Variants in KCNIP4 observed in about 807,000 individuals in gnomAD.
KCNIP4 encodes Kv channel-interacting protein 4.
A neutral mutation model predicts 34.0 loss-of-function variants in KCNIP4; 12 were observed. The observed-to-expected ratio is 0.35, with a 90% CI of 0.23 to 0.57. KCNIP4 has a LOEUF of 0.57. Ranked by LOEUF, KCNIP4 falls within the 20% of genes least tolerant of loss-of-function variation. The pLI is 0.83. For missense variants in KCNIP4, 238 were observed against 311.7 expected (o/e 0.76, Z 1.78); for synonymous variants, 124 against 102.2 (o/e 1.21, Z -1.29).
chr4:21,911,030 T>C (rs992287525), intron 1 of KCNIP4, among the ~76,000 whole-genome samples: 4 of 152,180 alleles, frequency 2.6e-5, no homozygotes, highest in Admixed American at 2.0e-4. Flanking sequence ...GTTTACAGTT[T>C]CTTTTTTTTT....
chr4:21,762,550 T>C (rs1192914763), intron 1 of KCNIP4, among the ~76,000 whole-genome samples: 1 of 152,164 alleles, frequency 6.6e-6, no homozygotes, highest in African/African-American at 2.4e-5. Flanking sequence ...AAATTAATTT[T>C]GAGCAGAACT....
chr4:21,827,624 C>G (rs1722749093), intron 1 of KCNIP4, among the ~76,000 whole-genome samples: 1 of 151,950 alleles, frequency 6.6e-6, no homozygotes, highest in African/African-American at 2.4e-5. Flanking sequence ...TCAGAGAGGA[C>G]AGAAACCCCT....
intron 1 of KCNIP4, among the ~76,000 whole-genome samples, chr4:21,737,990 G>GGA (rs1402381954): frequency 6.6e-6 from 1 of 151,898 alleles, no homozygotes; most frequent in African/African-American, 2.4e-5. Flanking sequence ...TACTCTGCAG[G>GGA]CTGAAGCAGG....
chr4:21,494,978 G>C (rs369283123), intron 1 of KCNIP4, among the ~76,000 whole-genome samples: 1 of 152,070 alleles, frequency 6.6e-6, no homozygotes, highest in Non-Finnish European at 1.5e-5. Flanking sequence ...AGGTGAGCAG[G>C]TGAGAGAAAA....
chr4:21,321,610 G>A (rs1248870549), intron 1 of KCNIP4, among the ~76,000 whole-genome samples: 4 of 145,760 alleles, frequency 2.7e-5, no homozygotes, highest in Non-Finnish European at 6.0e-5. Context: ...GGGAGAAGAA[G>A]GGAGAATAAA....
intron 3 of KCNIP4, among the ~76,000 whole-genome samples, chr4:20,841,548 A>C (rs1719722416): frequency 6.6e-6 from 1 of 152,038 alleles, no homozygotes. Flanking sequence ...TTTAATCCAA[A>C]ACATCACGAC....
chr4:21,072,784 A>C (rs573417717), intron 1 of KCNIP4, among the ~76,000 whole-genome samples: 42 of 152,294 alleles, frequency 2.8e-4, no homozygotes, highest in African/African-American at 1.0e-3. Context: ...TTTGGGTCTA[A>C]CATGTAAGTC....
At chr4:21,519,639 TGTG>T (rs1177248965) in intron 1 of KCNIP4, among the ~76,000 whole-genome samples, 1 of 118,118 alleles carries the variant, frequency 8.5e-6, no homozygotes, top group South Asian at 3.2e-4. Flanking sequence ...TATACACAAA[TGTG>T]TGTGTATGTA....
chr4:21,558,018 C>G (rs1187412709), intron 1 of KCNIP4, among the ~76,000 whole-genome samples: 3 of 152,100 alleles, frequency 2.0e-5, no homozygotes, highest in African/African-American at 7.2e-5. Context: ...CTACTGTGAG[C>G]AAAAGTGGTT....
chr4:21,668,110 C>T (rs577966997), intron 1 of KCNIP4, among the ~76,000 whole-genome samples: 1 of 152,260 alleles, frequency 6.6e-6, no homozygotes, highest in South Asian at 2.1e-4. Context: ...AAGCCATTAT[C>T]CTCAGCAAAC....
intron 3 of KCNIP4, among the ~76,000 whole-genome samples, chr4:20,844,735 T>C (rs1720157710): frequency 6.6e-6 from 1 of 152,154 alleles, no homozygotes; most frequent in South Asian, 2.1e-4. Context: ...TGCAAAAATG[T>C]AGATCCCTAT....
intron 1 of KCNIP4, among the ~76,000 whole-genome samples, chr4:21,554,915 C>A (rs1738874339): frequency 1.3e-5 from 2 of 152,136 alleles, no homozygotes; most frequent in Admixed American, 1.3e-4. Context: ...ATGAGTGAAT[C>A]TTGGTCCTAT....
chr4:21,331,780 T>A (rs1490135279), intron 1 of KCNIP4, among the ~76,000 whole-genome samples: 1 of 152,118 alleles, frequency 6.6e-6, no homozygotes, highest in African/African-American at 2.4e-5. Flanking sequence ...CCATGAAATG[T>A]CTTCTAATCT....
chr4:21,349,780 G>C (rs1165150090), intron 1 of KCNIP4, among the ~76,000 whole-genome samples: 1 of 152,130 alleles, frequency 6.6e-6, no homozygotes, highest in Non-Finnish European at 1.5e-5. Context: ...AATTGCAATG[G>C]AAGTAGCTAA....
At chr4:21,568,848 A>G (rs1440078278) in intron 1 of KCNIP4, among the ~76,000 whole-genome samples, 1 of 152,044 alleles carries the variant, frequency 6.6e-6, no homozygotes, top group Non-Finnish European at 1.5e-5. Flanking sequence ...TTCTAATAAA[A>G]TCCTCTTCAT....
In KCNIP4 at chr4:21,660,367, G is replaced by C. The variant is rs565855112; in HGVS notation, c.61+288204C>G. 7.9e-5 allele frequency among the ~76,000 whole-genome samples: 12 copies of C among 152,096 alleles called. No homozygotes were observed. In the East Asian group the frequency reaches 1.2e-3, roughly 15 times the overall value. On this transcript the variant is annotated intron_variant, in intron 1 of 8. Coordinates refer to ENST00000382152, the MANE Select transcript of KCNIP4 (RefSeq NM_025221.6). Reference sequence around the variant, plus strand: ...ACACTATGATTTTTCTGTATACTTTGGTCTCTATTTTAAACTCCTTGTCTC... The same window carrying C: ...ACACTATGATTTTTCTGTATACTTTCGTCTCTATTTTAAACTCCTTGTCTC...
At position 21,610,866 on chromosome 4, in the gene KCNIP4, C is replaced by T. The variant is rs1018510918; in HGVS notation, c.61+337705G>A. ...TAAGCTCTGGAGTACATGTGCAGAA[C>T]GTGCAGGTTTGCTACATAGGTATAT... On this transcript the variant is annotated intron_variant, in intron 1 of 8. Transcript: ENST00000382152. Among the ~76,000 whole-genome samples the T allele has an allele frequency of 3.9e-5, 6 of 152,006 alleles. No individual in the cohort carries two copies. In the East Asian group the frequency reaches 5.8e-4, roughly 15 times the overall value.
chr4:21,221,321 T>G (rs1757966869), intron 1 of KCNIP4, among the ~76,000 whole-genome samples: 1 of 152,164 alleles, frequency 6.6e-6, no homozygotes, highest in Admixed American at 6.6e-5. Context: ...TTAATCCGTT[T>G]TCATACTGCT....
At chr4:21,366,263 C>A (rs1719749555) in intron 1 of KCNIP4, among the ~76,000 whole-genome samples, 1 of 152,102 alleles carries the variant, frequency 6.6e-6, no homozygotes, top group Non-Finnish European at 1.5e-5. Context: ...GAGCTATCCT[C>A]TTTAAAAAAA....
Sources: allele counts gnomAD v4.1 joint callset (sites outside exome capture counted in the v4.1 genomes callset), GRCh38; gene constraint gnomAD v4.1.1; transcripts MANE v1.5; gene names NCBI Gene and HGNC (gene_info 2026-07-23, HGNC 2026-07-21).